ERCC5: variants seen among roughly 807,000 people sequenced by gnomAD.
The protein encoded by ERCC5 is ERCC excision repair 5, endonuclease.
Under a neutral mutation model 105.6 loss-of-function variants are expected in ERCC5, and 68 were observed. The observed-to-expected ratio is 0.64, with a 90% CI of 0.53 to 0.79. The LOEUF is 0.79. Among genes scored for constraint, ERCC5 ranks in the 30% least tolerant of loss-of-function variants. ERCC5 has a pLI of 0.00. For missense variants in ERCC5, 1,373 were observed against 1,426.7 expected (o/e 0.96, Z 0.61); for synonymous variants, 546 against 526.2 (o/e 1.04, Z -0.51).
chr13:102,860,985 GAT>G (rs1270045893), intron 6 of ERCC5, among the ~76,000 whole-genome samples: 4 of 105,206 alleles, frequency 3.8e-5, no homozygotes, highest in East Asian at 3.0e-4. Context: ...CAGTATTCAT[GAT>G]TTTTTTTTTT....
At chr13:102,872,172 A>C (rs376082288) in intron 12 of ERCC5, 26 bp from the exon 13 acceptor site, 12 of 1,610,452 alleles carry the variant, frequency 7.5e-6, no homozygotes, top group Non-Finnish European at 9.3e-6. Context: ...ATTGCTGTGT[A>C]AGTAATTGTT....
intron 14 of ERCC5, among the ~76,000 whole-genome samples, chr13:102,873,861 G>A (rs1883110859): frequency 6.6e-6 from 1 of 152,112 alleles, no homozygotes; most frequent in African/African-American, 2.4e-5. Flanking sequence ...CTGTGAGTAT[G>A]TTCTGACTCA....
At chr13:102,855,253 TTTTC>T (rs1882366774) in intron 4 of ERCC5, among the ~76,000 whole-genome samples, 1 of 152,160 alleles carries the variant, frequency 6.6e-6, no homozygotes, top group Non-Finnish European at 1.5e-5. Context: ...CTTCTCATTT[TTTTC>T]TTTCTTTTTT....
intron 1 of ERCC5, among the ~76,000 whole-genome samples, chr13:102,848,317 AACTT>A (rs1882059226): frequency 6.6e-6 from 1 of 152,220 alleles, no homozygotes; most frequent in African/African-American, 2.4e-5. Context: ...GTTAATGACA[AACTT>A]ACCCGTTATT....
intron 13 of ERCC5, 27 bp from the exon 14 acceptor site, chr13:102,873,232 A>G: frequency 3.1e-6 from 5 of 1,613,912 alleles, no homozygotes; most frequent in South Asian, 2.2e-5. Flanking sequence ...ATCTTTCAAA[A>G]TATTTATAAG....
chr13:102,848,694 G>C (rs759522156), intron 1 of ERCC5, among the ~76,000 whole-genome samples: 1 of 152,038 alleles, frequency 6.6e-6, no homozygotes, highest in East Asian at 1.9e-4. Flanking sequence ...TTAATTTTGC[G>C]TATATAAACT....
At position 102,866,828 on chromosome 13, in the gene ERCC5, A is replaced by T; in HGVS notation, c.2516A>T (p.Asp839Val). Residue 839 changes from aspartate (D) to valine (V), a missense_variant, in exon 11 of 15, where the codon GAC becomes GTC. By Grantham distance (152) the Asp-to-Val change is radical (BLOSUM62 -3). This residue lies in a region of ERCC5 where 1,004 missense variants were observed against 1,059.7 expected (regional missense o/e 0.95). Coordinates refer to ENST00000652225, the MANE Select transcript of ERCC5 (RefSeq NM_000123.4). ...TTTGTAGAATATTATCAATATGTGG[A>T]CTTTCACAATCAATTGGGTAAGACT... ...NKFVEYYQYVDFHNQLGLDRN... is the reference protein window; with the variant it reads ...NKFVEYYQYVVFHNQLGLDRN... The T allele has an allele frequency of 6.2e-7, 1 of 1,611,348 alleles. No homozygotes were observed. The highest frequency in any genetic ancestry group is 1.3e-5 in the African/African-American group (1 of 74,946).
intron 12 of ERCC5, among the ~76,000 whole-genome samples, chr13:102,869,787 A>G (rs952756398): frequency 6.6e-6 from 1 of 152,178 alleles, no homozygotes; most frequent in Non-Finnish European, 1.5e-5. Flanking sequence ...ATAGTATCTG[A>G]CTTTTCCATT....
chr13:102,852,429 C>A, intron 2 of ERCC5, 136 bp downstream of exon 2: 2 of 978,560 alleles, frequency 2.0e-6, no homozygotes, highest in Non-Finnish European at 3.0e-6. Flanking sequence ...TTAATTACAT[C>A]TACTTTTTTA....
chr13:102,873,380 A>G (rs201713406), intron 14 of ERCC5, 37 bp downstream of exon 14: 1 of 1,612,866 alleles, frequency 6.2e-7, no homozygotes, highest in East Asian at 2.2e-5. Context: ...GTTCAGGATG[A>G]AGGGTAGGCT....
At chr13:102,864,946 G>C (rs1165748766) in intron 8 of ERCC5, 1 of 152,512 alleles carries the variant, frequency 6.6e-6, no homozygotes, top group Non-Finnish European at 1.5e-5. Context: ...CTAACAATGA[G>C]AAACATTGCT....
rs572534025 is a variant in ERCC5 at position 102,875,961 on chromosome 13, G to T, written c.*58G>T. On this transcript the variant is annotated 3_prime_UTR_variant, in exon 15 of 15. Coordinates refer to ENST00000652225, the MANE Select transcript of ERCC5 (RefSeq NM_000123.4). Reference sequence around the variant, plus strand: ...GACAGCCATTTGTAATGAATTTGTCGCAAAGACGTAATAAAATTAACTGGT... The same window carrying T: ...GACAGCCATTTGTAATGAATTTGTCTCAAAGACGTAATAAAATTAACTGGT... The T allele has an allele frequency of 4.4e-5, 69 of 1,583,442 alleles. No homozygotes were observed. In the South Asian group the frequency reaches 6.6e-4, roughly 15 times the overall value.
At chr13:102,870,177 T>G (rs1385978761) in intron 12 of ERCC5, among the ~76,000 whole-genome samples, 2 of 152,234 alleles carry the variant, frequency 1.3e-5, no homozygotes, top group Non-Finnish European at 1.5e-5. Context: ...GCAGGTTGAA[T>G]TGAGCTGTAG....
chr13:102,849,324 A>T (rs1176679420), intron 1 of ERCC5: 2 of 518,824 alleles, frequency 3.9e-6, no homozygotes, highest in African/African-American at 3.9e-5. Flanking sequence ...GTTATCCTTA[A>T]ATCATGTTCT....
chr13:102,875,706 C>A lies in ERCC5; in HGVS notation c.3364C>A (p.Pro1122Thr), dbSNP rs765714657. ...ACAAAGGAGAACAGCTGCGAAAGAG[C>A]CAAAAACCAGTGCTTCAGATTCGCA... ...NVQRRTAAKEPKTSASDSQNS... is the reference protein window; with the variant it reads ...NVQRRTAAKETKTSASDSQNS... Residue 1122 changes from proline to threonine, a missense_variant, in exon 15 of 15, where the codon CCA becomes ACA. Pro to Thr is a conservative substitution (Grantham distance 38). This residue lies in a region of ERCC5 where 367 missense variants were observed against 350.2 expected (regional missense o/e 1.05). Transcript: ENST00000652225. The A allele has an allele frequency of 6.2e-7, 1 of 1,613,966 alleles. No homozygotes were observed. The highest frequency in any genetic ancestry group is 1.3e-5 in the African/African-American group (1 of 74,878).
intron 1 of ERCC5, among the ~76,000 whole-genome samples, chr13:102,851,235 C>T (rs1435563363): frequency 6.6e-6 from 1 of 152,184 alleles, no homozygotes; most frequent in African/African-American, 2.4e-5. Flanking sequence ...CCTTATCACA[C>T]ATGCTCCTGC....
chr13:102,858,528 C>G (rs4150296), intron 6 of ERCC5, 110 bp downstream of exon 6: 279 of 1,438,212 alleles, frequency 1.9e-4, no homozygotes, highest in Middle Eastern at 1.7e-3. Context: ...TCTCAGTTAA[C>G]AGTAAACAGC....
intron 11 of ERCC5, among the ~76,000 whole-genome samples, 159 bp from the exon 12 acceptor site, chr13:102,867,954 A>G (rs1010761048): frequency 1.8e-4 from 27 of 152,196 alleles, no homozygotes; most frequent in African/African-American, 6.5e-4. Flanking sequence ...TATTAACAGA[A>G]TGCCATTGAA....
intron 12 of ERCC5, among the ~76,000 whole-genome samples, chr13:102,870,311 G>T (rs6491717): frequency 1 from 151,983 of 152,286 alleles, 75,842 homozygotes; most frequent in Middle Eastern, 1. Context: ...AAAAAGGAGA[G>T]CTGAAAATAC....
Sources: gnomAD v4.1 joint callset for allele counts (sites outside exome capture counted in the v4.1 genomes callset) on GRCh38, gnomAD v4.1.1 for gene constraint, gnomAD v4.1.1 regional missense constraint, MANE v1.5 for transcripts, NCBI Gene and HGNC (gene_info 2026-07-23, HGNC 2026-07-21) for gene names.